Variants in NCF2 observed in about 807,000 individuals in gnomAD.
NCF2 encodes the protein neutrophil cytosolic factor 2, also known as neutrophil cytosol factor 2.
In NCF2, 45 loss-of-function variants were observed where a neutral mutation model predicts 70.9. The ratio of observed to expected loss-of-function variants is 0.63; its 90% CI spans 0.50 to 0.81. The LOEUF is 0.81. Ranked by LOEUF, NCF2 falls within the 40% of genes least tolerant of loss-of-function variation. NCF2 has a pLI of 0.00. For synonymous variants in NCF2, 203 were observed against 233.6 expected (o/e 0.87, Z 1.19); for missense variants, 522 against 631.6 (o/e 0.83, Z 1.86).
chr1:183,569,228 G>A (rs762052296), intron 6 of NCF2, 43 bp from the exon 7 acceptor site: 1 of 1,561,786 alleles, frequency 6.4e-7, no homozygotes, highest in South Asian at 1.1e-5. Flanking sequence ...AAGGCAATGA[G>A]GGAAAGCAGG....
chr1:183,558,265 TTTTG>T lies in NCF2; in HGVS notation c.1468+1827_1468+1830del, dbSNP rs535790330. ...TTTTTTTTAATTTTAATTTTTTTGT[TTTTG>T]TTTTTGTTTTTTTTTTGAGACTGAG... On this transcript the variant is annotated intron_variant, in intron 14 of 14. Transcript: ENST00000367535. Among the ~76,000 whole-genome samples, 1,204 of 151,896 alleles carry T rather than the reference TTTTG, an allele frequency of 7.9e-3. 7 individuals are homozygous for T. Among genetic ancestry groups the T allele is most frequent in the African/African-American group, 0.028 (1,141 of 41,428 alleles).
At chr1:183,598,232 T>C in the NCF2 span, 1 of 152,218 alleles carries the variant, frequency 6.6e-6, no homozygotes, top group Admixed American at 6.5e-5. Flanking sequence ...GCAATAAATT[T>C]CAGTGTTTGC....
At chr1:183,557,126 T>C (rs1363854293) in intron 14 of NCF2, among the ~76,000 whole-genome samples, 2 of 152,194 alleles carry the variant, frequency 1.3e-5, no homozygotes, top group Non-Finnish European at 2.9e-5. Context: ...CATATTTTAC[T>C]AAGGAAAAGG....
Position 183,560,248 on chromosome 1 carries a change from G to C in NCF2, c.1316C>G (p.Pro439Arg), listed in dbSNP as rs534011480. ...TVGDQGFPDE[P>R]KESEKADANN... ...AGCATCAGCTTTTTCACTTTCCTTG[G>C]GTTCATCTGGAAAGCCTTGGTCACC... Residue 439 changes from proline (P) to arginine (R), a missense_variant, in exon 14 of 15, where the codon CCC becomes CGC. Coordinates refer to ENST00000367535, the MANE Select transcript of NCF2 (RefSeq NM_000433.4). 3 of 1,613,920 alleles carry C rather than the reference G, an allele frequency of 1.9e-6. No individual in the cohort carries two copies. The highest frequency in any genetic ancestry group is 2.5e-6 in the Non-Finnish European group (3 of 1,180,030).
At chr1:183,601,172 T>G in the NCF2 span, among the ~76,000 whole-genome samples, 2 of 152,208 alleles carry the variant, frequency 1.3e-5, no homozygotes, top group African/African-American at 4.8e-5. Flanking sequence ...CATATGCAAA[T>G]GCAGACCCTC....
chr1:183,596,262 C>A, the NCF2 span, among the ~76,000 whole-genome samples: 1 of 149,008 alleles, frequency 6.7e-6, no homozygotes, highest in Non-Finnish European at 1.5e-5. Flanking sequence ...TGTGTCCTAG[C>A]ATCCTAGATG....
chr1:183,596,208 C>T, the NCF2 span, among the ~76,000 whole-genome samples: 9 of 150,734 alleles, frequency 6.0e-5, no homozygotes, highest in South Asian at 6.4e-4. Flanking sequence ...ATGGAAGGTG[C>T]TTTTAAAGTC....
At chr1:183,556,510 G>A (rs1377691794) in intron 14 of NCF2, among the ~76,000 whole-genome samples, 1 of 152,130 alleles carries the variant, frequency 6.6e-6, no homozygotes. Context: ...ATTGAACAAC[G>A]AATCCTTAAA....
At chr1:183,586,094 G>T (rs789188) in intron 2 of NCF2, among the ~76,000 whole-genome samples, 16,043 of 152,266 alleles carry the variant, frequency 0.11, 2,016 homozygotes, top group African/African-American at 0.31. Context: ...CAGCACTTTG[G>T]GGGGCTGAGG....
upstream of NCF2, among the ~76,000 whole-genome samples, chr1:183,591,689 G>T (rs980280623): frequency 1.3e-5 from 2 of 152,060 alleles, no homozygotes; most frequent in Non-Finnish European, 2.9e-5. Flanking sequence ...CACCATGTTG[G>T]CCAGGCTGAT....
the NCF2 span, among the ~76,000 whole-genome samples, chr1:183,599,467 TTTC>T: frequency 2.1e-5 from 3 of 142,624 alleles, no homozygotes; most frequent in East Asian, 2.0e-4. Context: ...TCTTTCTTTC[TTTC>T]TTTCTTTCTT....
At chr1:183,559,122 C>G (rs1309257501) in intron 14 of NCF2, among the ~76,000 whole-genome samples, 4 of 152,086 alleles carry the variant, frequency 2.6e-5, no homozygotes. Flanking sequence ...TGGGCCCCAC[C>G]CCAGACCTGA....
At chr1:183,567,157 T>G (rs756393041) in intron 8 of NCF2, 47 bp downstream of exon 8, 6 of 1,613,722 alleles carry the variant, frequency 3.7e-6, no homozygotes, top group African/African-American at 1.3e-5. Flanking sequence ...CTGCATTTGC[T>G]GCCAGGATCC....
chr1:183,573,987 G>A (rs563780713), intron 4 of NCF2, among the ~76,000 whole-genome samples: 22 of 152,328 alleles, frequency 1.4e-4, no homozygotes, highest in African/African-American at 4.6e-4. Flanking sequence ...CTACTTGGGC[G>A]GCTGAGGCAG....
chr1:183,574,454 T>C, intron 4 of NCF2, 33 bp downstream of exon 4: 1 of 1,614,066 alleles, frequency 6.2e-7, no homozygotes, highest in East Asian at 2.2e-5. Context: ...TCCAGTGACA[T>C]CCTCTCAACA....
chr1:183,587,036 G>A lies in NCF2; in HGVS notation c.175-59C>T, dbSNP rs111808208. 418 of 1,496,694 alleles carry A rather than the reference G, an allele frequency of 2.8e-4. 2 individuals carry two copies. Among genetic ancestry groups the A allele is most frequent in the African/African-American group, 2.5e-3 (185 of 72,602 alleles). 92.7% of individuals were successfully genotyped at this position (1,496,694 alleles called of 1,614,324 possible). A position where few individuals can be genotyped will look rare whatever the true frequency, so the allele number is the denominator to read the frequency against. ...GCAAGGCAGTGAGGAGGTGTGAGAT[G>A]AGCCACGGCTCACAGAGCCCTAGCT... On this transcript the variant is annotated intron_variant, in intron 1 of 14. Coordinates refer to ENST00000367535, the MANE Select transcript of NCF2 (RefSeq NM_000433.4).
In NCF2 at chr1:183,574,502, C is replaced by T. The variant is rs759074773; in HGVS notation, c.486G>A (p.Ala162=). The change falls in exon 4 of 15, where the codon GCG becomes GCA. Residue 162 remains alanine (A), a synonymous_variant. Transcript: ENST00000367535. The part of the protein sequence containing the change: ...SEPRHSKIDK[A]MECVWKQKLY... ...ATACGCTTACCCAGACACACTCCAT[C>T]GCCTTGTCGATTTTGGAATGTCTGG... is the stretch of plus-strand genomic sequence containing the variant. 6.2e-6 allele frequency: 10 copies of T among 1,614,242 alleles called. No individual in the cohort carries two copies. Among genetic ancestry groups the T allele is most frequent in the Admixed American group, 3.3e-5 (2 of 60,028 alleles).
At chr1:183,559,174 A>G (rs1056729946) in intron 14 of NCF2, among the ~76,000 whole-genome samples, 1 of 152,072 alleles carries the variant, frequency 6.6e-6, no homozygotes, top group Non-Finnish European at 1.5e-5. Context: ...TGATTTAACA[A>G]ACTCTTCCAG....
chr1:183,582,905 TCTAA>T (rs1673178737), intron 2 of NCF2, among the ~76,000 whole-genome samples: 1 of 152,132 alleles, frequency 6.6e-6, no homozygotes, highest in Non-Finnish European at 1.5e-5. Flanking sequence ...AGAAATGTGC[TCTAA>T]CTTTGTTCTG....
Sources: allele counts gnomAD v4.1 joint callset (sites outside exome capture counted in the v4.1 genomes callset), GRCh38; gene constraint gnomAD v4.1.1; transcripts MANE v1.5; gene names NCBI Gene and HGNC (gene_info 2026-07-23, HGNC 2026-07-21).